Variants in CALN1 observed in about 807,000 individuals in gnomAD.
The protein encoded by CALN1 is calneuron 1, also known as calcium-binding protein 8.
A neutral mutation model predicts 30.6 loss-of-function variants in CALN1; 17 were observed. The ratio of observed to expected loss-of-function variants is 0.56; its 90% CI spans 0.38 to 0.83. CALN1 has a LOEUF of 0.83. Ranked by LOEUF, CALN1 falls within the 40% of genes least tolerant of loss-of-function variation. The probability of loss-of-function intolerance (pLI) is 0.00; values close to 1 mark genes in which losing one functional copy is unlikely to be tolerated. For synonymous variants in CALN1, 156 were observed against 131.4 expected (o/e 1.19, Z -1.28); for missense variants, 291 against 354.9 (o/e 0.82, Z 1.45).
chr7:71,878,471 C>A (rs545019359), intron 5 of CALN1, among the ~76,000 whole-genome samples: 2 of 152,010 alleles, frequency 1.3e-5, no homozygotes, highest in South Asian at 4.2e-4. Flanking sequence ...CCAGCTGGGC[C>A]CTATGAGACA....
chr7:71,886,016 G>A (rs567217757), intron 5 of CALN1, among the ~76,000 whole-genome samples: 1 of 152,222 alleles, frequency 6.6e-6, no homozygotes. Context: ...ATTTTAACAT[G>A]TGAATGGCAG....
chr7:71,907,413 G>A (rs144670466), intron 5 of CALN1, among the ~76,000 whole-genome samples: 8 of 152,182 alleles, frequency 5.3e-5, no homozygotes, highest in South Asian at 2.1e-4. Flanking sequence ...TATTTTTCTC[G>A]TTTGCAAAGG....
At chr7:72,142,058 C>A (rs138586776) in intron 3 of CALN1, among the ~76,000 whole-genome samples, 2,041 of 152,252 alleles carry the variant, frequency 0.013, 23 homozygotes, top group Non-Finnish European at 0.02. Context: ...ACGCAGAAGA[C>A]AGGTGATTTC....
intron 3 of CALN1, among the ~76,000 whole-genome samples, chr7:72,185,444 AG>A (rs1359454938): frequency 6.6e-6 from 1 of 152,238 alleles, no homozygotes; most frequent in Admixed American, 6.5e-5. Context: ...GGATTCGCAG[AG>A]GAAGGCACAG....
At chr7:72,066,775 C>A (rs1288652881) in intron 4 of CALN1, among the ~76,000 whole-genome samples, 2 of 150,742 alleles carry the variant, frequency 1.3e-5, no homozygotes, top group African/African-American at 4.9e-5. Context: ...CCAGGCCCAG[C>A]TATTTTATTT....
At chr7:72,359,499 A>AC (rs1229129024) in intron 2 of CALN1, among the ~76,000 whole-genome samples, 3 of 152,176 alleles carry the variant, frequency 2.0e-5, no homozygotes, top group Non-Finnish European at 4.4e-5. Context: ...ACAAGGTACT[A>AC]CTTTTAGGTC....
At chr7:71,983,654 C>G (rs1011865358) in intron 5 of CALN1, among the ~76,000 whole-genome samples, 5 of 152,134 alleles carry the variant, frequency 3.3e-5, no homozygotes, top group African/African-American at 7.2e-5. Context: ...GCCTCAGCCT[C>G]CTGAGTAGCT....
chr7:71,924,097 G>A (rs905771000), intron 5 of CALN1, among the ~76,000 whole-genome samples: 2 of 151,274 alleles, frequency 1.3e-5, no homozygotes, highest in East Asian at 2.0e-4. Context: ...CGGGGCTGAC[G>A]CAGGAGAATC....
chr7:72,310,476 T>C (rs1489664156), intron 2 of CALN1, among the ~76,000 whole-genome samples: 1 of 151,524 alleles, frequency 6.6e-6, no homozygotes, highest in Non-Finnish European at 1.5e-5. Flanking sequence ...AAAAGGAATC[T>C]TGGCTTCTGT....
intron 5 of CALN1, among the ~76,000 whole-genome samples, chr7:71,965,570 A>G (rs1025469196): frequency 7.4e-5 from 8 of 108,612 alleles, no homozygotes; most frequent in Admixed American, 2.7e-4. Context: ...AACAGTAACA[A>G]CAAACAAACA....
rs539628791 is a variant in CALN1 at position 72,028,014 on chromosome 7, G to A, written c.389-4245C>T. Among the ~76,000 whole-genome samples, 8 of 138,834 alleles carry A rather than the reference G, an allele frequency of 5.8e-5. No individual in the cohort carries two copies. In the South Asian group the frequency reaches 6.9e-4, roughly 12 times the overall value. The allele number at this position is 138,834 out of a possible 152,430, so 91.1% of individuals were successfully genotyped here. Reference sequence around the variant, plus strand: ...GCGGAGCTTGCAGTGAGCCGAGATCGCGCCACTGCACTCCAGCCTGGGCGA... The same window carrying A: ...GCGGAGCTTGCAGTGAGCCGAGATCACGCCACTGCACTCCAGCCTGGGCGA... On this transcript the variant is annotated intron_variant, in intron 4 of 6. Coordinates refer to ENST00000395275, the MANE Select transcript of CALN1 (RefSeq NM_031468.4).
intron 6 of CALN1, among the ~76,000 whole-genome samples, chr7:71,808,177 AATT>A (rs1228439385): frequency 6.6e-6 from 1 of 152,032 alleles, no homozygotes; most frequent in Non-Finnish European, 1.5e-5. Context: ...TTATTACCAT[AATT>A]ATTAATTATG....
intron 2 of CALN1, among the ~76,000 whole-genome samples, chr7:72,309,917 T>A (rs1011790455): frequency 1.3e-5 from 2 of 152,168 alleles, no homozygotes; most frequent in Non-Finnish European, 2.9e-5. Flanking sequence ...GGGGCAAGCC[T>A]GGACAAACTC....
At chr7:71,887,988 G>A (rs916161638) in intron 5 of CALN1, among the ~76,000 whole-genome samples, 1 of 152,104 alleles carries the variant, frequency 6.6e-6, no homozygotes, top group Non-Finnish European at 1.5e-5. Context: ...AGGGCAACTG[G>A]TGCATATGTG....
At chr7:72,438,703 C>A (rs1258249196) in intron 1 of CALN1, among the ~76,000 whole-genome samples, 1 of 152,158 alleles carries the variant, frequency 6.6e-6, no homozygotes, top group African/African-American at 2.4e-5. Context: ...CTCCGAGGGA[C>A]ACTTCCAGGC....
chr7:72,019,734 G>C (rs1800598718), intron 5 of CALN1, among the ~76,000 whole-genome samples: 1 of 152,152 alleles, frequency 6.6e-6, no homozygotes, highest in East Asian at 1.9e-4. Flanking sequence ...GCTGCAACTG[G>C]ATTAGAGACC....
At chr7:72,304,752 T>C (rs561205138) in intron 2 of CALN1, among the ~76,000 whole-genome samples, 4 of 152,334 alleles carry the variant, frequency 2.6e-5, no homozygotes, top group African/African-American at 9.6e-5. Context: ...CCTAGCCACA[T>C]ACATATATAT....
chr7:72,174,437 A>G (rs148521495), intron 3 of CALN1, among the ~76,000 whole-genome samples: 105 of 152,340 alleles, frequency 6.9e-4, no homozygotes, highest in African/African-American at 2.4e-3. Context: ...GTATAAAAAC[A>G]TTCAAAGAAG....
chr7:72,434,950 C>T (rs749804733), intron 1 of CALN1, among the ~76,000 whole-genome samples: 2 of 152,082 alleles, frequency 1.3e-5, no homozygotes, highest in Admixed American at 6.5e-5. Flanking sequence ...GTAGGGGCCA[C>T]GCATGGTGGC....
Sources: gnomAD v4.1 joint callset for allele counts (sites outside exome capture counted in the v4.1 genomes callset) on GRCh38, gnomAD v4.1.1 for gene constraint, MANE v1.5 for transcripts, NCBI Gene and HGNC (gene_info 2026-07-23, HGNC 2026-07-21) for gene names.